Variants in SHISAL1 observed in about 807,000 individuals in gnomAD.
SHISAL1 encodes the protein protein shisa-like-1.
SHISAL1 carries 9 observed loss-of-function variants against 22.6 expected under a neutral mutation model. The observed-to-expected ratio is 0.40, with a 90% CI of 0.24 to 0.70. The LOEUF (loss-of-function observed/expected upper bound fraction) is 0.70. Among genes scored for constraint, SHISAL1 ranks in the 30% least tolerant of loss-of-function variants. SHISAL1 has a pLI of 0.39. For synonymous variants in SHISAL1, 119 were observed against 115.4 expected, an observed-to-expected ratio of 1.03 and a Z score of -0.20; for missense variants, 246 against 270.6, an observed-to-expected ratio of 0.91 and a Z score of 0.64.
At chr22:44,325,770 T>C in the SHISAL1 span, among the ~76,000 whole-genome samples, 1 of 151,976 alleles carries the variant, frequency 6.6e-6, no homozygotes, top group African/African-American at 2.4e-5. Flanking sequence ...TCCAGCCAGG[T>C]TGTCACAAAG....
intron 4 of SHISAL1, among the ~76,000 whole-genome samples, chr22:44,283,201 T>C (rs1428852482): frequency 6.6e-6 from 1 of 152,208 alleles, no homozygotes. Context: ...CACACCTTTG[T>C]GGGTTCTGAC....
chr22:44,304,114 G>A (rs1331896987), intron 1 of SHISAL1, among the ~76,000 whole-genome samples: 1 of 152,156 alleles, frequency 6.6e-6, no homozygotes, highest in African/African-American at 2.4e-5. Context: ...GAGCCACCCA[G>A]CAGCTGCCTT....
chr22:44,271,212 T>C (rs1465747978), intron 4 of SHISAL1, among the ~76,000 whole-genome samples: 1 of 152,254 alleles, frequency 6.6e-6, no homozygotes, highest in East Asian at 1.9e-4. Context: ...GACACACAGC[T>C]GGGCAGCACA....
At chr22:44,307,761 G>C (rs1280736138) in intron 1 of SHISAL1, among the ~76,000 whole-genome samples, 1 of 152,212 alleles carries the variant, frequency 6.6e-6, no homozygotes, top group Non-Finnish European at 1.5e-5. Context: ...GGGAAGGAGA[G>C]GAAGGAGGGC....
At chr22:44,300,847 G>A (rs541853844) in intron 2 of SHISAL1, 32 bp downstream of exon 2, 25 of 1,586,896 alleles carry the variant, frequency 1.6e-5, no homozygotes, top group Middle Eastern at 1.7e-4. Context: ...CCCACGTGCC[G>A]CCCCCGCCCC....
At position 44,302,947 on chromosome 22, in the gene SHISAL1, A is replaced by AGGAGGCAGCAGGGGCAAAGG. The variant is rs2055442490; in HGVS notation, c.-32-1971_-32-1970insCCTTTGCCCCTGCTGCCTCC. Among the ~76,000 whole-genome samples the AGGAGGCAGCAGGGGCAAAGG allele has an allele frequency of 3.1e-5, 3 of 96,130 alleles. 1 individual carries two copies. Among genetic ancestry groups the AGGAGGCAGCAGGGGCAAAGG allele is most frequent in the East Asian group, 3.0e-4 (1 of 3,378 alleles). 63.1% of individuals were successfully genotyped at this position (96,130 alleles called of 152,430 possible). A position where few individuals can be genotyped will look rare whatever the true frequency, so the allele number is the denominator to read the frequency against. On this transcript the variant is annotated intron_variant, in intron 1 of 4. Coordinates refer to ENST00000381176, the MANE Select transcript of SHISAL1 (RefSeq NM_001099294.2). ...CAGTGAGGAGGCAGCAGGGGCAAAG[A>AGGAGGCAGCAGGGGCAAAGG]CCCTGGGGTTGGGGTATCAGCAGGG...
intron 4 of SHISAL1, among the ~76,000 whole-genome samples, chr22:44,251,632 A>G (rs1327519957): frequency 6.6e-6 from 1 of 152,204 alleles, no homozygotes; most frequent in African/African-American, 2.4e-5. Context: ...AGCAAGTCAC[A>G]TCTTATGTGG....
At chr22:44,316,462 A>G (rs1474406197), upstream of SHISAL1, among the ~76,000 whole-genome samples, 12 of 152,136 alleles carry the variant, frequency 7.9e-5, no homozygotes, top group Non-Finnish European at 1.3e-4. Flanking sequence ...GGGTGTTCTG[A>G]TGCCCACTCA....
intron 1 of SHISAL1, among the ~76,000 whole-genome samples, chr22:44,309,479 G>A (rs986058546): frequency 3.3e-5 from 5 of 152,102 alleles, no homozygotes; most frequent in African/African-American, 7.2e-5. Flanking sequence ...GGCAGAGCAC[G>A]GTGCCCAATG....
chr22:44,301,126 G>A (rs778401979), intron 1 of SHISAL1, 149 bp from the exon 2 acceptor site: 18 of 563,200 alleles, frequency 3.2e-5, no homozygotes, highest in Non-Finnish European at 4.5e-5. Context: ...TGGAGATGCC[G>A]CCATCCAATT....
In SHISAL1 at chr22:44,249,386, T is replaced by C. The variant is rs2055030201; in HGVS notation, c.*299A>G. On this transcript the variant is annotated 3_prime_UTR_variant, in exon 5 of 5. Coordinates refer to ENST00000381176, the MANE Select transcript of SHISAL1 (RefSeq NM_001099294.2). ...GGAATCAGCCAGAGTTGCTTTGTCT[T>C]GGTCATCCTGAGTCCACAATGAGTC... 1 of 349,348 alleles carries C rather than the reference T, an allele frequency of 2.9e-6. No individual in the cohort carries two copies. Among genetic ancestry groups the C allele is most frequent in the African/African-American group, 2.1e-5 (1 of 46,986 alleles). 21.6% of individuals were successfully genotyped at this position (349,348 alleles called of 1,614,324 possible). A position where few individuals can be genotyped will look rare whatever the true frequency, so the allele number is the denominator to read the frequency against.
chr22:44,300,753 G>GT, intron 2 of SHISAL1, 126 bp downstream of exon 2: 1 of 746,846 alleles, frequency 1.3e-6, no homozygotes, highest in Non-Finnish European at 2.3e-6. Context: ...AGGGGTGCCA[G>GT]TAAGGTGGAG....
At chr22:44,312,607 T>C (rs1361289892) in intron 1 of SHISAL1, 144 bp downstream of exon 1, 2 of 152,286 alleles carry the variant, frequency 1.3e-5, no homozygotes, top group African/African-American at 4.8e-5. Context: ...CATTCTTCTG[T>C]GACTAGGAGT....
intron 4 of SHISAL1, among the ~76,000 whole-genome samples, chr22:44,269,089 T>G (rs1455847119): frequency 6.6e-6 from 1 of 151,848 alleles, no homozygotes; most frequent in East Asian, 1.9e-4. Context: ...ACAGTAAACA[T>G]CCACAATACA....
chr22:44,293,965 A>G (rs888013978), intron 3 of SHISAL1, among the ~76,000 whole-genome samples: 6 of 152,212 alleles, frequency 3.9e-5, no homozygotes, highest in Non-Finnish European at 7.3e-5. Flanking sequence ...CTGTGCAAAT[A>G]TGCAGATTAT....
At chr22:44,301,062 C>T (rs528803477) in intron 1 of SHISAL1, 85 bp from the exon 2 acceptor site, 33 of 849,600 alleles carry the variant, frequency 3.9e-5, no homozygotes, top group Admixed American at 2.1e-5. Flanking sequence ...GACGGGCAGG[C>T]GGGCAGCGGG....
intron 4 of SHISAL1, among the ~76,000 whole-genome samples, chr22:44,270,790 C>T (rs2055200696): frequency 6.6e-6 from 1 of 152,208 alleles, no homozygotes; most frequent in Non-Finnish European, 1.5e-5. Flanking sequence ...ACCAGCACCA[C>T]TGACGGCTGC....
chr22:44,306,371 GCGGAGGGGAACTGAGCTCGGGGAGC>G (rs2055472953), intron 1 of SHISAL1, among the ~76,000 whole-genome samples: 2 of 145,606 alleles, frequency 1.4e-5, no homozygotes, highest in East Asian at 2.1e-4. Context: ...GATGGCGTGT[GCGGAGGGGAACTGAGCTCGGGGAGC>G]TGTGATGACG....
chr22:44,297,663 A>C (rs1217185288), intron 2 of SHISAL1, among the ~76,000 whole-genome samples: 1 of 152,200 alleles, frequency 6.6e-6, no homozygotes, highest in African/African-American at 2.4e-5. Flanking sequence ...GCTACTGCAA[A>C]CCCAGGATGG....
Sources: allele counts gnomAD v4.1 joint callset (sites outside exome capture counted in the v4.1 genomes callset), GRCh38; gene constraint gnomAD v4.1.1; transcripts MANE v1.5; gene names NCBI Gene and HGNC (gene_info 2026-07-23, HGNC 2026-07-21).